Variants in FBLN7 observed in about 807,000 individuals in gnomAD.
The protein encoded by FBLN7 is fibulin-7.
FBLN7 carries 31 observed loss-of-function variants against 44.0 expected under a neutral mutation model. That is an observed-to-expected ratio of 0.70 (90% confidence interval 0.53 to 0.95). FBLN7 has a LOEUF of 0.95. FBLN7 is among the 40% of genes least tolerant of loss of function. The pLI is 0.00. For synonymous variants in FBLN7, 262 were observed against 253.4 expected, an observed-to-expected ratio of 1.03 and a Z score of -0.32; for missense variants, 573 against 618.5, an observed-to-expected ratio of 0.93 and a Z score of 0.78.
the FBLN7 span, among the ~76,000 whole-genome samples, chr2:112,226,589 C>CAAAAAAAAAA: frequency 0.11 from 8,169 of 73,110 alleles, 1,815 homozygotes; most frequent in Non-Finnish European, 0.16. Flanking sequence ...GACTCCATCT[C>CAAAAAAAAAA]AAAAAAAAAA....
intron 1 of FBLN7, among the ~76,000 whole-genome samples, chr2:112,140,145 C>G (rs1291211643): frequency 5.8e-5 from 6 of 103,622 alleles, no homozygotes; most frequent in East Asian, 3.1e-4. Context: ...CCTCTCTCCA[C>G]GCCAGTGTCC....
At chr2:112,218,811 T>C in the FBLN7 span, among the ~76,000 whole-genome samples, 8 of 152,196 alleles carry the variant, frequency 5.3e-5, no homozygotes, top group Non-Finnish European at 1.0e-4. Flanking sequence ...TGACTGCATC[T>C]ATATATGCAG....
intron 3 of FBLN7, among the ~76,000 whole-genome samples, chr2:112,174,472 C>T (rs550815430): frequency 6.6e-5 from 10 of 152,300 alleles, no homozygotes; most frequent in African/African-American, 9.6e-5. Flanking sequence ...ACAAGTCTGT[C>T]GTTCTCATTA....
At chr2:112,184,685 G>GTATATGTGGTATATATATGTATATGGTA (rs1558897101) in intron 6 of FBLN7, among the ~76,000 whole-genome samples, 1 of 144,868 alleles carries the variant, frequency 6.9e-6, no homozygotes, top group Admixed American at 6.9e-5. Context: ...TGTATATGGT[G>GTATATGTGGTATATATATGTATATGGTA]TATATATGGT....
intron 2 of FBLN7, 102 bp downstream of exon 2, chr2:112,159,937 C>T: frequency 1.0e-6 from 1 of 958,310 alleles, no homozygotes; most frequent in Non-Finnish European, 1.4e-6. Context: ...TCACCCTTCC[C>T]CCATCACCTT....
chr2:112,185,397 G>C (rs752049303), intron 7 of FBLN7, 58 bp downstream of exon 7: 33 of 1,584,082 alleles, frequency 2.1e-5, no homozygotes, highest in Non-Finnish European at 2.8e-5. Flanking sequence ...GGCTGGGCTG[G>C]ATGCTTCCTA....
rs556976824 is a variant in FBLN7 at position 112,170,167 on chromosome 2, G to A, written c.406+4996G>A. Among the ~76,000 whole-genome samples, 15 of 152,160 alleles carry A rather than the reference G, an allele frequency of 9.9e-5. No homozygotes were observed. The East Asian group carries it at 1.7e-3, about 18-fold the overall frequency. On this transcript the variant is annotated intron_variant, in intron 3 of 7. Coordinates refer to ENST00000331203, the MANE Select transcript of FBLN7 (RefSeq NM_153214.3). ...TGAGGCAGAAGAATCGCTTGAACCCGGGAGGCGGAGATTGCAGTGAGCTGA... is the reference window on the plus strand; with the variant it reads ...TGAGGCAGAAGAATCGCTTGAACCCAGGAGGCGGAGATTGCAGTGAGCTGA...
chr2:112,194,328 T>C, the FBLN7 span, among the ~76,000 whole-genome samples: 1 of 152,230 alleles, frequency 6.6e-6, no homozygotes, highest in African/African-American at 2.4e-5. Context: ...TTTCCTTCCC[T>C]GCAGGGAGAG....
At chr2:112,189,946 G>A (rs971765286), downstream of FBLN7, 3 of 151,818 alleles carry the variant, frequency 2.0e-5, no homozygotes, top group African/African-American at 7.3e-5. Context: ...ATATTTTTTT[G>A]TTTACTTGCA....
intron 1 of FBLN7, among the ~76,000 whole-genome samples, chr2:112,156,939 G>C (rs953677880): frequency 1.3e-5 from 2 of 152,130 alleles, no homozygotes; most frequent in Non-Finnish European, 2.9e-5. Flanking sequence ...TGGTTGTGGT[G>C]CTTCGTTGGT....
chr2:112,193,842 T>G, the FBLN7 span, among the ~76,000 whole-genome samples: 1 of 152,176 alleles, frequency 6.6e-6, no homozygotes, highest in Admixed American at 6.5e-5. Flanking sequence ...GAAAGACAAC[T>G]TGTCTACAAA....
chr2:112,232,260 G>A, the FBLN7 span, among the ~76,000 whole-genome samples: 10 of 131,938 alleles, frequency 7.6e-5, no homozygotes, highest in East Asian at 2.2e-4. Context: ...AGGTTGCAGC[G>A]AACCAAGATT....
the FBLN7 span, among the ~76,000 whole-genome samples, chr2:112,222,454 A>T: frequency 6.6e-6 from 1 of 152,116 alleles, no homozygotes; most frequent in African/African-American, 2.4e-5. Context: ...GCTGTGCCCT[A>T]AAAAAAGAAG....
At chr2:112,231,328 T>C in the FBLN7 span, among the ~76,000 whole-genome samples, 2 of 152,152 alleles carry the variant, frequency 1.3e-5, no homozygotes, top group Admixed American at 6.5e-5. Flanking sequence ...TATACTTAGA[T>C]TAAATTTTTA....
the FBLN7 span, among the ~76,000 whole-genome samples, chr2:112,207,596 G>C: frequency 6.6e-6 from 1 of 152,094 alleles, no homozygotes; most frequent in Non-Finnish European, 1.5e-5. Context: ...TAGTTGTATG[G>C]ATTACTAAGA....
intron 1 of FBLN7, among the ~76,000 whole-genome samples, chr2:112,141,581 A>G (rs1360346911): frequency 6.6e-6 from 1 of 152,190 alleles, no homozygotes. Flanking sequence ...AACCCACCCA[A>G]CAGAGCAATG....
rs552466455 is a variant in FBLN7, at chr2:112,182,663, G to A, written c.671-128G>A. ...CTGCTGGGGGTAGGGCATGGCGGCTGCCCGAGGCCCAGCCACTTAACTGCA... is the reference window on the plus strand; with the variant it reads ...CTGCTGGGGGTAGGGCATGGCGGCTACCCGAGGCCCAGCCACTTAACTGCA... On this transcript the variant is annotated intron_variant, in intron 5 of 7. Transcript: ENST00000331203. 51 of 1,184,032 alleles carry A rather than the reference G, an allele frequency of 4.3e-5. No individual in the cohort carries two copies. In the African/African-American group the frequency reaches 7.1e-4, roughly 17 times the overall value. The allele number at this position is 1,184,032 out of a possible 1,614,324, so 73.3% of individuals were successfully genotyped here. A position where few individuals can be genotyped will look rare whatever the true frequency, so the allele number is the denominator to read the frequency against.
chr2:112,140,775 C>T (rs1573753259), intron 1 of FBLN7, among the ~76,000 whole-genome samples: 1 of 152,290 alleles, frequency 6.6e-6, no homozygotes, highest in East Asian at 1.9e-4. Context: ...GTGGCATTTC[C>T]CAGGCAGAGG....
chr2:112,216,306 G>A, the FBLN7 span: 1 of 152,258 alleles, frequency 6.6e-6, no homozygotes, highest in Non-Finnish European at 1.5e-5. Flanking sequence ...TTGTACATTA[G>A]ATCCCAGCTC....
Sources: gnomAD v4.1 joint callset for allele counts (sites outside exome capture counted in the v4.1 genomes callset) on GRCh38, gnomAD v4.1.1 for gene constraint, MANE v1.5 for transcripts, NCBI Gene and HGNC (gene_info 2026-07-23, HGNC 2026-07-21) for gene names.